NUTF2: variants seen among roughly 807,000 people sequenced by gnomAD.
NUTF2 encodes nuclear transport factor 2.
A neutral mutation model predicts 18.5 loss-of-function variants in NUTF2; 3 were observed. That is an observed-to-expected ratio of 0.16 (90% CI 0.07 to 0.42). The LOEUF (loss-of-function observed/expected upper bound fraction) is 0.42, where lower values mean the gene tolerates loss of function less well. Among genes scored for constraint, NUTF2 ranks in the 10% least tolerant of loss-of-function variants. The pLI is 0.99. For synonymous variants in NUTF2, 51 were observed against 57.9 expected, an observed-to-expected ratio of 0.88 and a Z score of 0.54; for missense variants, 44 against 160.7, an observed-to-expected ratio of 0.27 and a Z score of 3.93.
chr16:67,862,844 A>G (rs993373721), intron 1 of NUTF2, among the ~76,000 whole-genome samples: 3 of 152,092 alleles, frequency 2.0e-5, no homozygotes, highest in African/African-American at 7.2e-5. Flanking sequence ...ATGCCCCGGG[A>G]CATTTGCTGG....
intron 1 of NUTF2, among the ~76,000 whole-genome samples, chr16:67,858,233 T>A (rs1285011517): frequency 6.6e-6 from 1 of 152,230 alleles, no homozygotes; most frequent in African/African-American, 2.4e-5. Flanking sequence ...AATGGCATGA[T>A]CTCGGCTCAC....
chr16:67,864,832 C>T lies in NUTF2; in HGVS notation c.-29-270C>T, dbSNP rs192609791. Among the ~76,000 whole-genome samples the T allele has an allele frequency of 6.4e-4, 98 of 152,264 alleles. No individual in the cohort carries two copies. In the Middle Eastern group the frequency reaches 0.014, roughly 21 times the overall value. On this transcript the variant is annotated intron_variant, in intron 1 of 4. Coordinates refer to ENST00000219169, the MANE Select transcript of NUTF2 (RefSeq NM_005796.3). ...CTTTGTTGTAGATCTACCCTTAGCA[C>T]CCCTCCTGTGTGCTCCACGACCCTA... is the stretch of plus-strand genomic sequence containing the variant.
rs1286054915 is a variant in NUTF2 at position 67,872,255 on chromosome 16, C to T, written c.*1342C>T. ...TTAAGGGTTTTAGGATTGGTAAGGA[C>T]ACCACAGCTAAATCTGACATGTAAA... On this transcript the variant is annotated 3_prime_UTR_variant, in exon 5 of 5. Transcript: ENST00000219169. 1 of 152,236 alleles carries T rather than the reference C, an allele frequency of 6.6e-6. No homozygotes were observed. Among genetic ancestry groups the T allele is most frequent in the Non-Finnish European group, 1.5e-5 (1 of 68,054 alleles). 9.4% of individuals were successfully genotyped at this position (152,236 alleles called of 1,614,324 possible).
At chr16:67,856,333 A>T (rs1424907568) in intron 1 of NUTF2, among the ~76,000 whole-genome samples, 1 of 151,758 alleles carries the variant, frequency 6.6e-6, no homozygotes, top group African/African-American at 2.4e-5. Flanking sequence ...CTGGGATTAC[A>T]GGCACCCACC....
rs572931294 is a variant in NUTF2, at chr16:67,864,509, CAAAAAAAAAAAA to C, written c.-29-580_-29-569del. Reference sequence around the variant, plus strand: ...GGGCAACAAGAGTGAAACTCTGTCTCAAAAAAAAAAAAAAAAAAAAAAAAGAAGAGGGGCCTT... The same window carrying C: ...GGGCAACAAGAGTGAAACTCTGTCTCAAAAAAAAAAAAGAAGAGGGGCCTT... On this transcript the variant is annotated intron_variant, in intron 1 of 4. Transcript: ENST00000219169. Among the ~76,000 whole-genome samples the C allele has an allele frequency of 7.5e-5, 4 of 53,078 alleles. No homozygotes were observed. The East Asian group carries it at 2.6e-3, about 35-fold the overall frequency. The allele number at this position is 53,078 out of a possible 152,430, so 34.8% of individuals were successfully genotyped here.
At chr16:67,869,108 G>A (rs1440966708) in intron 4 of NUTF2, among the ~76,000 whole-genome samples, 1 of 149,848 alleles carries the variant, frequency 6.7e-6, no homozygotes, top group African/African-American at 2.5e-5. Context: ...TTTTGAGACG[G>A]AGTCTCACTC....
At chr16:67,869,787 A>G (rs2057999431) in intron 4 of NUTF2, among the ~76,000 whole-genome samples, 1 of 152,214 alleles carries the variant, frequency 6.6e-6, no homozygotes, top group Non-Finnish European at 1.5e-5. Flanking sequence ...CTCTGTCTCT[A>G]AATAAATAAA....
intron 2 of NUTF2, among the ~76,000 whole-genome samples, chr16:67,865,709 G>A (rs1233590257): frequency 6.6e-6 from 1 of 151,420 alleles, no homozygotes; most frequent in Non-Finnish European, 1.5e-5. Context: ...TGCAGGCATT[G>A]CTGGCTGCTC....
At chr16:67,861,871 A>C (rs2057937364) in intron 1 of NUTF2, among the ~76,000 whole-genome samples, 1 of 151,806 alleles carries the variant, frequency 6.6e-6, no homozygotes, top group African/African-American at 2.4e-5. Flanking sequence ...CCCCTCCCTC[A>C]TGTTGCATGG....
chr16:67,869,113 T>C (rs1365872399), intron 4 of NUTF2, among the ~76,000 whole-genome samples: 3 of 149,970 alleles, frequency 2.0e-5, no homozygotes. Context: ...AGACGGAGTC[T>C]CACTCTTGTT....
chr16:67,865,994 A>AG (rs2057968586), intron 2 of NUTF2, among the ~76,000 whole-genome samples: 1 of 152,210 alleles, frequency 6.6e-6, no homozygotes, highest in African/African-American at 2.4e-5. Flanking sequence ...CTGGGATTAC[A>AG]GGCGTGAGCC....
intron 4 of NUTF2, 148 bp downstream of exon 4, chr16:67,868,747 T>G: frequency 3.0e-6 from 2 of 657,222 alleles, no homozygotes; most frequent in Non-Finnish European, 5.2e-6. Context: ...TGCTAGCCAT[T>G]AGCCACATGT....
chr16:67,868,278 A>G (rs1312080310), intron 2 of NUTF2, 62 bp from the exon 3 acceptor site: 1 of 1,486,948 alleles, frequency 6.7e-7, no homozygotes, highest in Non-Finnish European at 9.3e-7. Context: ...GAGTCTTTCC[A>G]GGGCCTTAGA....
chr16:67,855,079 T>G (rs1349933036), intron 1 of NUTF2, among the ~76,000 whole-genome samples: 2 of 152,142 alleles, frequency 1.3e-5, no homozygotes, highest in Non-Finnish European at 2.9e-5. Context: ...GCAGTTCAGT[T>G]TGAGTTGGCT....
intron 1 of NUTF2, among the ~76,000 whole-genome samples, chr16:67,859,901 G>A (rs1392169087): frequency 7.0e-6 from 1 of 142,820 alleles, no homozygotes; most frequent in Non-Finnish European, 1.5e-5. Flanking sequence ...CACCTCTCGG[G>A]TTCAAGCAAT....
intron 1 of NUTF2, among the ~76,000 whole-genome samples, chr16:67,851,090 C>T (rs770426508): frequency 6.6e-6 from 1 of 151,946 alleles, no homozygotes; most frequent in Non-Finnish European, 1.5e-5. Context: ...TGTGAGCCAC[C>T]GCACCTGGCC....
chr16:67,864,296 C>T (rs935010375), intron 1 of NUTF2, among the ~76,000 whole-genome samples: 6 of 152,100 alleles, frequency 3.9e-5, no homozygotes, highest in Middle Eastern at 3.2e-3. Flanking sequence ...GGATCACTTG[C>T]AGTCTGGAGT....
intron 1 of NUTF2, among the ~76,000 whole-genome samples, chr16:67,850,718 C>T (rs2057848710): frequency 6.6e-6 from 1 of 152,080 alleles, no homozygotes; most frequent in South Asian, 2.1e-4. Context: ...GATATTGCCG[C>T]ACAAGGATGA....
chr16:67,867,859 T>C (rs1339082504), intron 2 of NUTF2, among the ~76,000 whole-genome samples: 1 of 152,106 alleles, frequency 6.6e-6, no homozygotes, highest in African/African-American at 2.4e-5. Flanking sequence ...GGATAATTTT[T>C]GCATTTTTAG....
Sources: gnomAD v4.1 joint callset for allele counts (sites outside exome capture counted in the v4.1 genomes callset) on GRCh38, gnomAD v4.1.1 for gene constraint, MANE v1.5 for transcripts, NCBI Gene and HGNC (gene_info 2026-07-23, HGNC 2026-07-21) for gene names.